CFAP47: variants seen among roughly 807,000 people sequenced by gnomAD.
CFAP47 encodes the protein cilia- and flagella-associated protein 47.
In CFAP47, 29 loss-of-function variants were observed where a neutral mutation model predicts 148.1. That is an observed-to-expected ratio of 0.20 (90% CI 0.15 to 0.27). CFAP47 has a LOEUF of 0.27. CFAP47 is among the 10% of genes least tolerant of loss of function. CFAP47 has a pLI of 1.00. For synonymous variants in CFAP47, 664 were observed against 577.3 expected, an observed-to-expected ratio of 1.15 and a Z score of -2.15; for missense variants, 1,872 against 1,697.5, an observed-to-expected ratio of 1.10 and a Z score of -1.81.
At chrX:36,283,950 C>G (rs1436387433) in intron 50 of CFAP47, among the ~76,000 whole-genome samples, 1 of 111,926 alleles carries the variant, frequency 8.9e-6, no homozygotes, top group African/African-American at 3.2e-5. Flanking sequence ...GTCATAGCTA[C>G]TGTTTATTTC....
Position 36,073,191 on chromosome X carries a change from G to A in CFAP47, c.4518G>A (p.Glu1506=). Residue 1506 remains glutamate (E), a synonymous_variant, in exon 29 of 64, where the codon GAG becomes GAA. Coordinates refer to ENST00000378653, the MANE Select transcript of CFAP47 (RefSeq NM_001304548.2). Reference sequence around the variant, plus strand: ...ACTTGGATGAAAGTGAAACATCAGAGGAAGATCATGGGTCTCTGGAAAAGG... The same window carrying A: ...ACTTGGATGAAAGTGAAACATCAGAAGAAGATCATGGGTCTCTGGAAAAGG... The part of the protein sequence containing the change: ...NLHLDESETS[E]EDHGSLEKEK... The A allele has an allele frequency of 8.3e-7, 1 of 1,210,241 alleles. No homozygotes were observed. Among genetic ancestry groups the A allele is most frequent in the Non-Finnish European group, 1.1e-6 (1 of 894,499 alleles).
chrX:36,343,762 G>T (rs1187907395), intron 57 of CFAP47, among the ~76,000 whole-genome samples: 4 of 111,484 alleles, frequency 3.6e-5, no homozygotes, highest in African/African-American at 1.3e-4. Context: ...GAAGGGCAAT[G>T]GGAAAACCAT....
chrX:36,179,495 T>G (rs1196184784), intron 40 of CFAP47, 73 bp downstream of exon 40: 1 of 285,936 alleles, frequency 3.5e-6, no homozygotes, highest in Non-Finnish European at 6.1e-6. Flanking sequence ...AGGAAACTAG[T>G]TATATAATTA....
At chrX:35,968,846 A>G (rs1357845998) in intron 10 of CFAP47, among the ~76,000 whole-genome samples, 1 of 110,797 alleles carries the variant, frequency 9.0e-6, no homozygotes, top group Non-Finnish European at 1.9e-5. Flanking sequence ...CATATTATAG[A>G]AAAGAAAATT....
chrX:35,927,343 G>A (rs1291558063), intron 2 of CFAP47, among the ~76,000 whole-genome samples: 1 of 111,379 alleles, frequency 9.0e-6, no homozygotes, highest in Non-Finnish European at 1.9e-5. Flanking sequence ...TATTTAATTC[G>A]TGTTTTGCAG....
chrX:35,940,180 A>G (rs1291564620), intron 2 of CFAP47, among the ~76,000 whole-genome samples: 1 of 111,008 alleles, frequency 9.0e-6, no homozygotes, highest in Non-Finnish European at 1.9e-5. Context: ...AGTTCATTGT[A>G]GATTCTGGAT....
At chrX:36,213,087 G>C (rs781860433) in intron 45 of CFAP47, among the ~76,000 whole-genome samples, 16 of 111,365 alleles carry the variant, frequency 1.4e-4, no homozygotes, top group Non-Finnish European at 3.0e-4. Context: ...CATCGAAAGT[G>C]AGGTATGGTA....
chrX:36,035,190 G>A (rs779033060), intron 23 of CFAP47, among the ~76,000 whole-genome samples: 83 of 110,957 alleles, frequency 7.5e-4, no homozygotes, highest in Non-Finnish European at 1.4e-3. Context: ...CTAACCTGTG[G>A]CCTATTAAAA....
Position 36,111,704 on chromosome X carries a change from T to C in CFAP47, c.5320+7013T>C, listed in dbSNP as rs73197120. Among the ~76,000 whole-genome samples, 871 of 111,641 alleles carry C rather than the reference T, an allele frequency of 7.8e-3. 4 individuals carry two copies. The highest frequency in any genetic ancestry group is 0.043 in the South Asian group (115 of 2,675). On this transcript the variant is annotated intron_variant, in intron 33 of 63. Transcript: ENST00000378653. ...AATGATACCAGCTCTTATTCATACA[T>C]CTGGTAGAATTTGGCTGTGAATCCA...
intron 26 of CFAP47, among the ~76,000 whole-genome samples, chrX:36,054,772 A>G (rs1182214415): frequency 1.8e-5 from 2 of 110,210 alleles, no homozygotes; most frequent in African/African-American, 6.6e-5. Flanking sequence ...AGCTCTTACT[A>G]TTTTTTCTCT....
chrX:35,963,560 A>T (rs781690066), intron 8 of CFAP47, among the ~76,000 whole-genome samples: 5 of 110,987 alleles, frequency 4.5e-5, no homozygotes, highest in Non-Finnish European at 9.5e-5. Context: ...CAATCCATTT[A>T]TATGTAATGT....
chrX:36,103,499 C>CAAAA (rs1938410597), intron 32 of CFAP47, among the ~76,000 whole-genome samples: 1 of 33,529 alleles, frequency 3.0e-5, no homozygotes, highest in African/African-American at 2.4e-4. Context: ...TCTCATATGC[C>CAAAA]AGAAAAAAAA....
intron 22 of CFAP47, among the ~76,000 whole-genome samples, chrX:36,019,502 CT>C (rs756505610): frequency 1.8e-4 from 20 of 111,807 alleles, no homozygotes; most frequent in Non-Finnish European, 3.6e-4. Context: ...GCACCCTAAT[CT>C]TTCTGGCTCC....
chrX:36,254,051 A>T (rs1436323167), intron 49 of CFAP47, among the ~76,000 whole-genome samples: 1 of 112,076 alleles, frequency 8.9e-6, no homozygotes, highest in East Asian at 2.8e-4. Context: ...CTGAGAATTC[A>T]CATCTGGTGG....
At chrX:36,277,586 T>A (rs1471014683) in intron 49 of CFAP47, among the ~76,000 whole-genome samples, 8 of 112,611 alleles carry the variant, frequency 7.1e-5, no homozygotes, top group African/African-American at 2.6e-4. Context: ...TTCTCTATTA[T>A]ATGCACAGCT....
At chrX:36,278,006 C>T (rs1163980321) in intron 49 of CFAP47, among the ~76,000 whole-genome samples, 1 of 111,967 alleles carries the variant, frequency 8.9e-6, no homozygotes, top group African/African-American at 3.3e-5. Flanking sequence ...CAATCGGCCC[C>T]TACTGGGAGG....
chrX:36,379,247 C>T, intron 62 of CFAP47, 103 bp from the exon 63 acceptor site: 2 of 712,468 alleles, frequency 2.8e-6, no homozygotes, highest in East Asian at 3.5e-5. Flanking sequence ...TAATGTTAAC[C>T]AGGCCTATTG....
chrX:36,335,373 G>A (rs1389716297), intron 57 of CFAP47, among the ~76,000 whole-genome samples: 3 of 110,712 alleles, frequency 2.7e-5, no homozygotes, highest in African/African-American at 9.9e-5. Context: ...ACTTTAAATT[G>A]TCATCTTATC....
chrX:36,060,031 T>C (rs1937581883), intron 26 of CFAP47, among the ~76,000 whole-genome samples: 1 of 111,192 alleles, frequency 9.0e-6, no homozygotes, highest in Non-Finnish European at 1.9e-5. Context: ...CCTTTCACCA[T>C]GAATGGAAGG....
Sources: allele counts gnomAD v4.1 joint callset (sites outside exome capture counted in the v4.1 genomes callset), GRCh38; gene constraint gnomAD v4.1.1; transcripts MANE v1.5; gene names NCBI Gene and HGNC (gene_info 2026-07-23, HGNC 2026-07-21).